THSD4: variants seen among roughly 807,000 people sequenced by gnomAD.
THSD4 encodes the protein thrombospondin type-1 domain-containing protein 4.
A neutral mutation model predicts 119.0 loss-of-function variants in THSD4; 69 were observed. That is an observed-to-expected ratio of 0.58 (90% confidence interval 0.48 to 0.71). The LOEUF (loss-of-function observed/expected upper bound fraction) is 0.71, where lower values mean the gene tolerates loss of function less well. Ranked by LOEUF, THSD4 falls within the 30% of genes least tolerant of loss-of-function variation. The probability of loss-of-function intolerance (pLI) is 0.00; values close to 1 mark genes in which losing one functional copy is unlikely to be tolerated. For synonymous variants in THSD4, 524 were observed against 540.4 expected, an observed-to-expected ratio of 0.97 and a Z score of 0.42; for missense variants, 1,393 against 1,391.1, an observed-to-expected ratio of 1.00 and a Z score of -0.02.
At chr15:71,233,274 T>C (rs16955311) in intron 4 of THSD4, among the ~76,000 whole-genome samples, 3,165 of 152,308 alleles carry the variant, frequency 0.021, 130 homozygotes, top group African/African-American at 0.073. Flanking sequence ...GGCGTTAAGA[T>C]TACTGATTTG....
chr15:71,417,731 A>G (rs1358934771), intron 7 of THSD4, among the ~76,000 whole-genome samples: 2 of 107,756 alleles, frequency 1.9e-5, no homozygotes, highest in African/African-American at 6.3e-5. Flanking sequence ...ATCTTTTGTG[A>G]TTCCATATAA....
intron 5 of THSD4, among the ~76,000 whole-genome samples, chr15:71,247,260 T>C (rs2044212279): frequency 6.6e-6 from 1 of 152,176 alleles, no homozygotes; most frequent in Non-Finnish European, 1.5e-5. Flanking sequence ...TCTCGCTCTG[T>C]TGCCCAGGCT....
At chr15:71,481,609 T>G (rs568538180) in intron 7 of THSD4, among the ~76,000 whole-genome samples, 1 of 152,190 alleles carries the variant, frequency 6.6e-6, no homozygotes, top group Non-Finnish European at 1.5e-5. Context: ...CAGTCCTTCC[T>G]TTTTGCCCCT....
intron 6 of THSD4, among the ~76,000 whole-genome samples, chr15:71,337,992 T>A (rs377463011): frequency 6.6e-6 from 1 of 152,312 alleles, no homozygotes; most frequent in African/African-American, 2.4e-5. Context: ...TGGAAAAATG[T>A]ATGTAAAATG....
upstream of THSD4, chr15:71,111,839 G>A (rs1435401112): frequency 2.8e-5 from 15 of 536,658 alleles, 1 homozygote; most frequent in South Asian, 4.2e-4. Context: ...TAAGAGCTGA[G>A]AGCAGTGTTT....
chr15:71,701,014 T>G (rs11634282), intron 8 of THSD4, among the ~76,000 whole-genome samples: 88,757 of 151,932 alleles, frequency 0.58, 28,597 homozygotes, highest in Middle Eastern at 0.73. Context: ...CTATAAGCAT[T>G]AAAAAGGTTT....
At chr15:71,604,069 C>T (rs2050062043) in intron 7 of THSD4, among the ~76,000 whole-genome samples, 1 of 152,058 alleles carries the variant, frequency 6.6e-6, no homozygotes, top group South Asian at 2.1e-4. Flanking sequence ...AGACTAGAAA[C>T]ATGAAAGTGC....
chr15:71,226,752 G>T (rs998032908), intron 4 of THSD4, among the ~76,000 whole-genome samples: 1 of 152,298 alleles, frequency 6.6e-6, no homozygotes, highest in East Asian at 1.9e-4. Flanking sequence ...TTACCTACAG[G>T]GGGGCAGAAA....
intron 6 of THSD4, among the ~76,000 whole-genome samples, chr15:71,375,283 C>T (rs533022572): frequency 3.9e-5 from 6 of 152,186 alleles, no homozygotes; most frequent in Non-Finnish European, 7.4e-5. Flanking sequence ...TAGCCCAAGA[C>T]AGTGATGTTT....
chr15:71,487,986 A>AT (rs1452314696), intron 7 of THSD4, among the ~76,000 whole-genome samples: 1 of 152,010 alleles, frequency 6.6e-6, no homozygotes. Flanking sequence ...TCCTCATCAA[A>AT]TTTTTTACAC....
At chr15:71,769,974 T>C (rs1595934826) in intron 16 of THSD4, among the ~76,000 whole-genome samples, 1 of 85,816 alleles carries the variant, frequency 1.2e-5, no homozygotes, top group Non-Finnish European at 2.2e-5. Flanking sequence ...AGGCCAGCTG[T>C]GGTGGCTCAC....
At chr15:71,625,153 T>C (rs1257110351) in intron 7 of THSD4, among the ~76,000 whole-genome samples, 1 of 152,066 alleles carries the variant, frequency 6.6e-6, no homozygotes, top group Non-Finnish European at 1.5e-5. Context: ...ACTGCAGATA[T>C]GCACTACCAC....
intron 7 of THSD4, among the ~76,000 whole-genome samples, chr15:71,470,584 T>A (rs1341616705): frequency 6.6e-6 from 1 of 152,242 alleles, no homozygotes; most frequent in Non-Finnish European, 1.5e-5. Context: ...GATGTAGTGA[T>A]TTGATCAAGA....
chr15:71,195,932 A>C (rs1357427534), intron 3 of THSD4, among the ~76,000 whole-genome samples: 2 of 152,226 alleles, frequency 1.3e-5, no homozygotes, highest in Admixed American at 6.5e-5. Flanking sequence ...TTGAATAACC[A>C]CTGCATCCAC....
intron 7 of THSD4, among the ~76,000 whole-genome samples, chr15:71,463,942 C>T (rs2047462156): frequency 6.6e-6 from 1 of 152,154 alleles, no homozygotes; most frequent in Non-Finnish European, 1.5e-5. Flanking sequence ...ATGTTTATTC[C>T]ATGCGAGTGC....
At chr15:71,393,189 C>T (rs1020814204) in intron 6 of THSD4, among the ~76,000 whole-genome samples, 2 of 149,572 alleles carry the variant, frequency 1.3e-5, no homozygotes, top group South Asian at 2.1e-4. Context: ...GGGCTGCATT[C>T]GTTTGGTAAA....
chr15:71,690,892 G>C (rs939039663), intron 8 of THSD4, among the ~76,000 whole-genome samples: 58 of 152,288 alleles, frequency 3.8e-4, no homozygotes, highest in African/African-American at 1.2e-3. Flanking sequence ...GAGAATTCAA[G>C]ATGAGATTTG....
chr15:71,396,112 G>A (rs1431090406), intron 6 of THSD4, among the ~76,000 whole-genome samples: 3 of 152,036 alleles, frequency 2.0e-5, no homozygotes, highest in East Asian at 1.9e-4. Context: ...TGAATGAAAC[G>A]TGTGGATGTG....
rs1245897375 is a variant in THSD4, at chr15:71,745,136, A to C, written c.1937A>C (p.His646Pro). Residue 646 changes from histidine (H) to proline (P), a missense_variant, in exon 12 of 18, where the codon CAC becomes CCC. Coordinates refer to ENST00000261862, the MANE Select transcript of THSD4 (RefSeq NM_024817.3). ...CAGTACCCTATTTTCCGCTGTGTGC[A>C]CAGAAGCACTCATGAAGAGGCTCCT... ...GSQYPIFRCV[H>P]RSTHEEAPES... 6.2e-7 allele frequency: 1 copy of C among 1,612,276 alleles called. No homozygotes were observed. The highest frequency in any genetic ancestry group is 1.1e-5 in the South Asian group (1 of 90,974).
Sources: allele counts gnomAD v4.1 joint callset (sites outside exome capture counted in the v4.1 genomes callset), GRCh38; gene constraint gnomAD v4.1.1; transcripts MANE v1.5; gene names NCBI Gene and HGNC (gene_info 2026-07-23, HGNC 2026-07-21).